NRG2: variants seen among roughly 807,000 people sequenced by gnomAD.
NRG2 encodes the protein pro-neuregulin-2, membrane-bound isoform.
Under a neutral mutation model 73.9 loss-of-function variants are expected in NRG2, and 27 were observed. The observed-to-expected ratio is 0.37, with a 90% CI of 0.27 to 0.50. The LOEUF (loss-of-function observed/expected upper bound fraction) is 0.50. Among genes scored for constraint, NRG2 ranks in the 20% least tolerant of loss-of-function variants. NRG2 has a pLI of 0.96. For synonymous variants in NRG2, 532 were observed against 541.0 expected (o/e 0.98, Z 0.23); for missense variants, 1,126 against 1,210.1 (o/e 0.93, Z 1.03).
chr5:139,872,359 C>T (rs60380091), intron 3 of NRG2, among the ~76,000 whole-genome samples: 11,810 of 152,064 alleles, frequency 0.078, 1,229 homozygotes, highest in African/African-American at 0.24. Flanking sequence ...CTTTAGGACA[C>T]GGTCATTTTC....
At chr5:139,907,388 C>T (rs1427163996) in intron 1 of NRG2, among the ~76,000 whole-genome samples, 1 of 152,112 alleles carries the variant, frequency 6.6e-6, no homozygotes, top group African/African-American at 2.4e-5. Context: ...TTTTCATTTC[C>T]ACCTCCGTCT....
At chr5:140,025,336 A>G (rs1450123723) in intron 1 of NRG2, among the ~76,000 whole-genome samples, 1 of 152,186 alleles carries the variant, frequency 6.6e-6, no homozygotes, top group Non-Finnish European at 1.5e-5. Flanking sequence ...ACTTATGATA[A>G]ATAAGCCTCG....
intron 4 of NRG2, chr5:139,871,291 G>C (rs1762832101): frequency 5.9e-6 from 1 of 168,512 alleles, no homozygotes; most frequent in Non-Finnish European, 1.3e-5. Context: ...TATTGGGGAA[G>C]ATGCAGCCTG....
intron 1 of NRG2, among the ~76,000 whole-genome samples, chr5:139,903,521 G>A (rs1212785444): frequency 6.6e-6 from 1 of 152,210 alleles, no homozygotes; most frequent in Non-Finnish European, 1.5e-5. Context: ...TCTACGGAGA[G>A]GATGTGCATG....
At chr5:139,998,855 G>A (rs1285177518) in intron 1 of NRG2, among the ~76,000 whole-genome samples, 1 of 152,124 alleles carries the variant, frequency 6.6e-6, no homozygotes, top group Non-Finnish European at 1.5e-5. Flanking sequence ...GTTAAGACAA[G>A]AGAAAAAACT....
At chr5:139,940,278 C>G (rs1403205801) in intron 1 of NRG2, among the ~76,000 whole-genome samples, 1 of 152,186 alleles carries the variant, frequency 6.6e-6, no homozygotes, top group Non-Finnish European at 1.5e-5. Context: ...GAGGGAATTA[C>G]TGATACATGC....
chr5:139,905,689 G>C (rs1172856625), intron 1 of NRG2, among the ~76,000 whole-genome samples: 1 of 152,016 alleles, frequency 6.6e-6, no homozygotes, highest in African/African-American at 2.4e-5. Context: ...CTGGTGGGGG[G>C]GGGGCAGGTG....
chr5:139,856,957 T>C lies in NRG2; in HGVS notation c.1190-1179A>G, dbSNP rs898641384. On this transcript the variant is annotated intron_variant, in intron 5 of 9. Transcript: ENST00000361474. This position sits in a 1 kb window ranked among gnomAD's most constrained non-coding sequence, Gnocchi z 4.2. ...TCTCTTGGCTCTGTGCCCACAGCCC[T>C]GGCTCCAGCTCTCACGCCCCCTTCA... is the stretch of plus-strand genomic sequence containing the variant. 1.3e-5 allele frequency among the ~76,000 whole-genome samples: 2 copies of C among 152,192 alleles called. No homozygotes were observed. Among genetic ancestry groups the C allele is most frequent in the African/African-American group, 2.4e-5 (1 of 41,458 alleles).
intron 1 of NRG2, among the ~76,000 whole-genome samples, chr5:139,910,370 A>G (rs1765497288): frequency 6.6e-6 from 1 of 152,136 alleles, no homozygotes; most frequent in Non-Finnish European, 1.5e-5. Flanking sequence ...GCACACACAC[A>G]TTCCTCGTTA....
rs762926051 is a variant in NRG2 at position 140,041,666 on chromosome 5, T to TAAAAAA, written c.700+698_700+703dup. Among the ~76,000 whole-genome samples the TAAAAAA allele has an allele frequency of 4.3e-5, 4 of 91,998 alleles. 1 individual carries two copies. The highest frequency in any genetic ancestry group is 1.5e-4 in the African/African-American group (4 of 26,968). 60.4% of individuals were successfully genotyped at this position (91,998 alleles called of 152,430 possible). On this transcript the variant is annotated intron_variant, in intron 1 of 9. Coordinates refer to ENST00000361474, the MANE Select transcript of NRG2 (RefSeq NM_004883.3). ...ACCTTGTAATTCCCCCAGAAACAGC[T>TAAAAAA]AAAAAAAAAAAAAAAAAAAGGTGTC...
chr5:139,988,164 G>A lies in NRG2; in HGVS notation c.700+54206C>T, dbSNP rs544334290. On this transcript the variant is annotated intron_variant, in intron 1 of 9. Transcript: ENST00000361474. ...CATGACAACACCAAATGCTGGTGAG[G>A]ATGTGGAGCAACAGGAATTCTGGTT... 2.6e-4 allele frequency among the ~76,000 whole-genome samples: 39 copies of A among 152,150 alleles called. 1 individual carries two copies. The South Asian group carries it at 3.7e-3, about 15-fold the overall frequency.
At chr5:139,861,263 A>G (rs897033801) in intron 5 of NRG2, among the ~76,000 whole-genome samples, 1 of 152,188 alleles carries the variant, frequency 6.6e-6, no homozygotes, top group Non-Finnish European at 1.5e-5. Context: ...TATAGTCAGC[A>G]CCACTAGATC....
chr5:139,948,923 C>T (rs140816559), intron 1 of NRG2, among the ~76,000 whole-genome samples: 6 of 151,894 alleles, frequency 4.0e-5, no homozygotes, highest in Non-Finnish European at 7.4e-5. Context: ...AAGATTCCCT[C>T]GGCATAGGCA....
intron 1 of NRG2, among the ~76,000 whole-genome samples, chr5:140,024,188 C>A (rs1366785767): frequency 1.3e-5 from 2 of 152,132 alleles, no homozygotes; most frequent in Non-Finnish European, 2.9e-5. Flanking sequence ...GAGAGAGATG[C>A]CCAAAGTCAT....
intron 1 of NRG2, among the ~76,000 whole-genome samples, chr5:139,909,298 CA>C (rs1178134400): frequency 6.6e-6 from 1 of 152,170 alleles, no homozygotes; most frequent in Non-Finnish European, 1.5e-5. Flanking sequence ...AAATGCCTTT[CA>C]GTGAAAGGGG....
At chr5:139,890,140 A>G (rs763750717) in intron 1 of NRG2, among the ~76,000 whole-genome samples, 32 of 152,060 alleles carry the variant, frequency 2.1e-4, no homozygotes, top group Admixed American at 2.0e-4. Context: ...CACCAACACG[A>G]GGTATTATCA....
At chr5:139,908,413 TGAG>T (rs778435505) in intron 1 of NRG2, among the ~76,000 whole-genome samples, 2 of 152,152 alleles carry the variant, frequency 1.3e-5, no homozygotes, top group Non-Finnish European at 2.9e-5. Context: ...GAGGGTCAGG[TGAG>T]GAGTACCTGA....
At chr5:139,929,690 A>G (rs139512795) in intron 1 of NRG2, among the ~76,000 whole-genome samples, 174 of 152,216 alleles carry the variant, frequency 1.1e-3, no homozygotes, top group Middle Eastern at 0.01. Context: ...TCTTTTCTCA[A>G]ATGTTTTTAA....
At chr5:139,923,294 A>G (rs954697563) in intron 1 of NRG2, among the ~76,000 whole-genome samples, 18 of 152,156 alleles carry the variant, frequency 1.2e-4, no homozygotes, top group Non-Finnish European at 2.9e-5. Context: ...AAAAAAAGCA[A>G]TTGACAATTA....
Sources: allele counts gnomAD v4.1 joint callset (sites outside exome capture counted in the v4.1 genomes callset), GRCh38; gene constraint gnomAD v4.1.1; non-coding constraint Gnocchi (gnomAD v3.1); transcripts MANE v1.5; gene names NCBI Gene and HGNC (gene_info 2026-07-23, HGNC 2026-07-21).